Variants in MINDY3 observed in about 807,000 individuals in gnomAD.
The protein encoded by MINDY3 is ubiquitin carboxyl-terminal hydrolase MINDY-3.
Under a neutral mutation model 69.2 loss-of-function variants are expected in MINDY3, and 38 were observed. The ratio of observed to expected loss-of-function variants is 0.55; its 90% CI spans 0.42 to 0.72. The LOEUF (loss-of-function observed/expected upper bound fraction) is 0.72. Among genes scored for constraint, MINDY3 ranks in the 30% least tolerant of loss-of-function variants. MINDY3 has a pLI of 0.00. For synonymous variants in MINDY3, 192 were observed against 180.1 expected (o/e 1.07, Z -0.53); for missense variants, 522 against 519.0 (o/e 1.01, Z -0.06).
At chr10:15,832,512 G>C (rs566411355) in intron 8 of MINDY3, among the ~76,000 whole-genome samples, 2 of 152,176 alleles carry the variant, frequency 1.3e-5, no homozygotes, top group East Asian at 3.9e-4. Flanking sequence ...TTGAAGAATA[G>C]GATGATCTCA....
intron 11 of MINDY3, among the ~76,000 whole-genome samples, chr10:15,795,196 AACGCC>A: frequency 6.6e-6 from 1 of 152,202 alleles, no homozygotes; most frequent in South Asian, 2.1e-4. Flanking sequence ...TAATATTCAT[AACGCC>A]TCTAAGAACT....
At chr10:15,858,902 C>A (rs769860847) in intron 1 of MINDY3, among the ~76,000 whole-genome samples, 1 of 152,036 alleles carries the variant, frequency 6.6e-6, no homozygotes, top group Non-Finnish European at 1.5e-5. Flanking sequence ...CTCTAAGAAG[C>A]CCAAGATTAG....
chr10:15,825,739 C>T (rs1840044521), intron 8 of MINDY3, among the ~76,000 whole-genome samples: 1 of 152,134 alleles, frequency 6.6e-6, no homozygotes, highest in Non-Finnish European at 1.5e-5. Context: ...AATATGTATA[C>T]ACTGTAGAAT....
intron 10 of MINDY3, among the ~76,000 whole-genome samples, chr10:15,796,493 AAC>A (rs1837845176): frequency 6.6e-6 from 1 of 151,772 alleles, no homozygotes; most frequent in African/African-American, 2.4e-5. Context: ...AAAAACAAAA[AAC>A]AAAACAAACA....
chr10:15,785,126 CT>C (rs1422178626), intron 13 of MINDY3, among the ~76,000 whole-genome samples: 1 of 152,102 alleles, frequency 6.6e-6, no homozygotes, highest in East Asian at 1.9e-4. Flanking sequence ...ACTCACTGCT[CT>C]AAAGGTAACC....
intron 8 of MINDY3, among the ~76,000 whole-genome samples, chr10:15,829,538 G>A (rs1204088566): frequency 1.3e-5 from 2 of 152,172 alleles, no homozygotes; most frequent in Admixed American, 1.3e-4. Flanking sequence ...TAAACATAGG[G>A]TTGAGTACGA....
intron 6 of MINDY3, among the ~76,000 whole-genome samples, 169 bp downstream of exon 6, chr10:15,837,035 A>T (rs1833130535): frequency 6.6e-6 from 1 of 151,992 alleles, no homozygotes; most frequent in African/African-American, 2.4e-5. Context: ...GAAACTGCTT[A>T]AGCAACGAGT....
intron 8 of MINDY3, among the ~76,000 whole-genome samples, chr10:15,822,750 A>T (rs1383049513): frequency 6.6e-6 from 1 of 152,168 alleles, no homozygotes; most frequent in African/African-American, 2.4e-5. Flanking sequence ...GGTTGGAGAT[A>T]AAGATTTGGG....
At chr10:15,831,244 T>C (rs1333382714) in intron 8 of MINDY3, among the ~76,000 whole-genome samples, 1 of 152,098 alleles carries the variant, frequency 6.6e-6, no homozygotes, top group Non-Finnish European at 1.5e-5. Flanking sequence ...TAATTTAGAG[T>C]ACGCCCAACC....
chr10:15,790,761 G>A (rs1051945037), intron 11 of MINDY3, among the ~76,000 whole-genome samples: 2 of 152,122 alleles, frequency 1.3e-5, no homozygotes, highest in African/African-American at 4.8e-5. Flanking sequence ...GAACATCCCT[G>A]ATCTGGTCCA....
At chr10:15,835,087 G>C (rs1268371721) in intron 6 of MINDY3, among the ~76,000 whole-genome samples, 5 of 151,992 alleles carry the variant, frequency 3.3e-5, no homozygotes, top group African/African-American at 1.2e-4. Flanking sequence ...ACATAAAATG[G>C]AAGGTTTACT....
In MINDY3 at chr10:15,790,609, A is replaced by C. The variant is rs377527750; in HGVS notation, c.956-1290T>G. Among the ~76,000 whole-genome samples the C allele has an allele frequency of 1.3e-3, 192 of 152,236 alleles. 1 individual carries two copies. The highest frequency in any genetic ancestry group is 4.5e-3 in the African/African-American group (187 of 41,554). On this transcript the variant is annotated intron_variant, in intron 11 of 14. Coordinates refer to ENST00000277632, the MANE Select transcript of MINDY3 (RefSeq NM_024948.4). ...CTTTATGTGGCCACCAACAGACAGG[A>C]ACAATTAGGTTTCTGTGTTTATAGG...
intron 8 of MINDY3, among the ~76,000 whole-genome samples, chr10:15,823,378 CAG>C (rs1413658402): frequency 6.6e-6 from 1 of 152,070 alleles, no homozygotes; most frequent in East Asian, 1.9e-4. Flanking sequence ...CTCATAAGCA[CAG>C]AGTTTTACAG....
At chr10:15,792,998 G>A (rs568200861) in intron 11 of MINDY3, among the ~76,000 whole-genome samples, 1 of 152,060 alleles carries the variant, frequency 6.6e-6, no homozygotes, top group Non-Finnish European at 1.5e-5. Flanking sequence ...GTAGGAACTC[G>A]TCCAACATCA....
At chr10:15,798,480 T>TA (rs1554804364) in intron 10 of MINDY3, among the ~76,000 whole-genome samples, 55 of 151,372 alleles carry the variant, frequency 3.6e-4, no homozygotes, top group African/African-American at 1.3e-3. Flanking sequence ...TTTTTTTTTT[T>TA]AAATACTCTG....
At chr10:15,795,396 T>C (rs995112319) in intron 11 of MINDY3, among the ~76,000 whole-genome samples, 1 of 152,022 alleles carries the variant, frequency 6.6e-6, no homozygotes, top group East Asian at 1.9e-4. Context: ...AAAGTAAAGA[T>C]AACTGAATCC....
At chr10:15,859,218 T>G (rs1278140105) in intron 1 of MINDY3, among the ~76,000 whole-genome samples, 1 of 152,206 alleles carries the variant, frequency 6.6e-6, no homozygotes, top group East Asian at 1.9e-4. Context: ...TCCTGAATTT[T>G]TGTTACAAAA....
chr10:15,809,897 T>C (rs1350633963), intron 10 of MINDY3, among the ~76,000 whole-genome samples: 1 of 152,128 alleles, frequency 6.6e-6, no homozygotes, highest in Non-Finnish European at 1.5e-5. Context: ...ACAGAAAATA[T>C]GATTTATAAA....
chr10:15,789,801 G>T (rs894835164), intron 11 of MINDY3, among the ~76,000 whole-genome samples: 2 of 152,006 alleles, frequency 1.3e-5, no homozygotes, highest in Non-Finnish European at 1.5e-5. Flanking sequence ...AACAGCAAAG[G>T]TATTCTAAAA....
Sources: allele counts gnomAD v4.1 joint callset (sites outside exome capture counted in the v4.1 genomes callset), GRCh38; gene constraint gnomAD v4.1.1; transcripts MANE v1.5; gene names NCBI Gene and HGNC (gene_info 2026-07-23, HGNC 2026-07-21).